Variants in LRP1B observed in about 807,000 individuals in gnomAD.
LRP1B encodes low-density lipoprotein receptor-related protein 1B.
Under a neutral mutation model 556.6 loss-of-function variants are expected in LRP1B, and 217 were observed. That is an observed-to-expected ratio of 0.39 (90% confidence interval 0.35 to 0.44). The LOEUF (loss-of-function observed/expected upper bound fraction) is 0.44, where lower values mean the gene tolerates loss of function less well. Ranked by LOEUF, LRP1B falls within the 20% of genes least tolerant of loss-of-function variation. The pLI, the probability that LRP1B is intolerant of heterozygous loss-of-function variation, is 1.00. For missense variants in LRP1B, 5,053 were observed against 5,620.8 expected, an observed-to-expected ratio of 0.90 and a Z score of 3.23; for synonymous variants, 2,047 against 1,865.8, an observed-to-expected ratio of 1.10 and a Z score of -2.50.
intron 1 of LRP1B, among the ~76,000 whole-genome samples, chr2:141,821,643 T>C (rs572589051): frequency 6.6e-6 from 1 of 152,286 alleles, no homozygotes; most frequent in African/African-American, 2.4e-5. Flanking sequence ...TCTTGGGAGA[T>C]GGAAAAATAC....
chr2:141,691,992 C>G (rs1052625320), intron 2 of LRP1B, among the ~76,000 whole-genome samples: 8 of 152,016 alleles, frequency 5.3e-5, no homozygotes, highest in African/African-American at 1.9e-4. Flanking sequence ...TTCCAAATGA[C>G]AATATAGTCA....
At chr2:142,066,193 C>A (rs1444724256) in intron 1 of LRP1B, among the ~76,000 whole-genome samples, 1 of 151,538 alleles carries the variant, frequency 6.6e-6, no homozygotes, top group Non-Finnish European at 1.5e-5. Context: ...TTTCTCTAGA[C>A]CATGCTTTCC....
chr2:141,715,853 C>T (rs1692565366), intron 2 of LRP1B, among the ~76,000 whole-genome samples: 1 of 152,006 alleles, frequency 6.6e-6, no homozygotes, highest in Admixed American at 6.6e-5. Flanking sequence ...TAGCCTACCT[C>T]AGTGCAGAAA....
In LRP1B at chr2:140,231,712, CTT is replaced by C. The variant is rs751481714; in HGVS notation, c.*1472_*1473del. Reference sequence around the variant, plus strand: ...TGCACATAGTACAACAAAAAGTCTTCTTATAAAACAGCAGTTTTTTTAATGCT... The same window carrying C: ...TGCACATAGTACAACAAAAAGTCTTCATAAAACAGCAGTTTTTTTAATGCT... On this transcript the variant is annotated 3_prime_UTR_variant, in exon 91 of 91. Coordinates refer to ENST00000389484, the MANE Select transcript of LRP1B (RefSeq NM_018557.3). 2 of 151,524 alleles carry C rather than the reference CTT, an allele frequency of 1.3e-5. No individual in the cohort carries two copies. Among genetic ancestry groups the C allele is most frequent in the African/African-American group, 4.8e-5 (2 of 41,264 alleles). 9.4% of individuals were successfully genotyped at this position (151,524 alleles called of 1,614,324 possible).
rs536005827 is a variant in LRP1B at position 140,492,980 on chromosome 2, T to G, written c.9035-287A>C. On this transcript the variant is annotated intron_variant, in intron 56 of 90. Transcript: ENST00000389484. ...TTCGGAATTAGTAGAAAATATCTGCTGTTACAATCTGATTGTCTGCATGAA... is the reference window on the plus strand; with the variant it reads ...TTCGGAATTAGTAGAAAATATCTGCGGTTACAATCTGATTGTCTGCATGAA... Among the ~76,000 whole-genome samples the G allele has an allele frequency of 1.5e-4, 23 of 152,334 alleles. 2 individuals are homozygous for G. Among genetic ancestry groups the G allele is most frequent in the Admixed American group, 1.2e-3 (18 of 15,282 alleles).
chr2:140,967,129 C>T (rs1487368063), intron 18 of LRP1B, among the ~76,000 whole-genome samples: 3 of 152,046 alleles, frequency 2.0e-5, no homozygotes, highest in Admixed American at 1.3e-4. Context: ...TAAATTACCT[C>T]AGGCAGTATG....
chr2:141,065,455 G>A (rs1364452400), intron 7 of LRP1B, among the ~76,000 whole-genome samples: 1 of 151,884 alleles, frequency 6.6e-6, no homozygotes, highest in Non-Finnish European at 1.5e-5. Flanking sequence ...GATACATTGT[G>A]TTTAATCGTC....
At chr2:141,031,753 C>G (rs1274430492) in intron 11 of LRP1B, among the ~76,000 whole-genome samples, 1 of 151,774 alleles carries the variant, frequency 6.6e-6, no homozygotes, top group Non-Finnish European at 1.5e-5. Context: ...GGAAGAGATT[C>G]AAGTGTATAA....
chr2:140,637,051 G>C (rs963410551), intron 41 of LRP1B, among the ~76,000 whole-genome samples: 1 of 152,158 alleles, frequency 6.6e-6, no homozygotes, highest in East Asian at 1.9e-4. Context: ...GGACCAAAAA[G>C]TGAAATGCTG....
intron 77 of LRP1B, 65 bp downstream of exon 77, chr2:140,350,732 A>C (rs1259226320): frequency 4.8e-6 from 7 of 1,448,538 alleles, no homozygotes; most frequent in Non-Finnish European, 6.6e-6. Flanking sequence ...TATTAGATAA[A>C]TTTTGTTTAA....
chr2:140,754,143 G>A (rs1420696491), intron 35 of LRP1B, among the ~76,000 whole-genome samples: 4 of 152,228 alleles, frequency 2.6e-5, no homozygotes, highest in African/African-American at 9.6e-5. Flanking sequence ...TATTTGAACA[G>A]AGTGTGCAGA....
intron 32 of LRP1B, among the ~76,000 whole-genome samples, chr2:140,811,119 G>T (rs1690909404): frequency 6.6e-6 from 1 of 151,950 alleles, no homozygotes; most frequent in African/African-American, 2.4e-5. Context: ...GGCAAAAAGG[G>T]GTATACTTAC....
intron 11 of LRP1B, among the ~76,000 whole-genome samples, chr2:141,026,969 G>A (rs921407658): frequency 6.6e-6 from 1 of 152,068 alleles, no homozygotes; most frequent in African/African-American, 2.4e-5. Flanking sequence ...AGCAAGTCTT[G>A]AAATTTAACT....
At chr2:141,967,996 C>T (rs1701609472) in intron 1 of LRP1B, among the ~76,000 whole-genome samples, 1 of 151,718 alleles carries the variant, frequency 6.6e-6, no homozygotes, top group Admixed American at 6.6e-5. Context: ...ATGTATTTTA[C>T]CATCCAATTA....
intron 1 of LRP1B, among the ~76,000 whole-genome samples, chr2:141,960,172 TTGTAATTTGGATAAGA>T (rs147839136): frequency 0.054 from 8,146 of 151,760 alleles, 724 homozygotes; most frequent in African/African-American, 0.19. Context: ...TGGAGATAGC[TTGTAATTTGGATAAGA>T]TGTAATTTGG....
chr2:140,550,042 T>C (rs1680489853), intron 43 of LRP1B, among the ~76,000 whole-genome samples: 1 of 152,018 alleles, frequency 6.6e-6, no homozygotes, highest in Non-Finnish European at 1.5e-5. Flanking sequence ...ATATGTGATG[T>C]TCCCCTCCTT....
chr2:141,819,357 G>A (rs1435114029), intron 1 of LRP1B, among the ~76,000 whole-genome samples: 1 of 152,118 alleles, frequency 6.6e-6, no homozygotes, highest in Non-Finnish European at 1.5e-5. Context: ...ATTTTACTTT[G>A]CTGTATGAAT....
chr2:141,438,369 G>A (rs796435379), intron 3 of LRP1B, among the ~76,000 whole-genome samples: 3 of 152,190 alleles, frequency 2.0e-5, no homozygotes, highest in African/African-American at 4.8e-5. Context: ...TCATTCATAT[G>A]TAATGTAATG....
intron 2 of LRP1B, among the ~76,000 whole-genome samples, chr2:141,657,877 C>T (rs355574): frequency 0.65 from 99,457 of 152,090 alleles, 33,269 homozygotes; most frequent in African/African-American, 0.79. Context: ...ATTCCACATA[C>T]GCTGAAACAT....
Sources: allele counts gnomAD v4.1 joint callset (sites outside exome capture counted in the v4.1 genomes callset), GRCh38; gene constraint gnomAD v4.1.1; transcripts MANE v1.5; gene names NCBI Gene and HGNC (gene_info 2026-07-23, HGNC 2026-07-21).